NINJ2: variants seen among roughly 807,000 people sequenced by gnomAD.
NINJ2 encodes the protein ninjurin 2.
A neutral mutation model predicts 11.7 loss-of-function variants in NINJ2; 12 were observed. The ratio of observed to expected loss-of-function variants is 1.02; its 90% CI spans 0.66 to 1.66. NINJ2 has a LOEUF of 1.66. Among genes scored for constraint, NINJ2 ranks in the 40% most tolerant of loss-of-function variants. The pLI, the probability that NINJ2 is intolerant of heterozygous loss-of-function variation, is 0.00. For missense variants in NINJ2, 187 were observed against 181.8 expected, an observed-to-expected ratio of 1.03 and a Z score of -0.16; for synonymous variants, 93 against 76.8, an observed-to-expected ratio of 1.21 and a Z score of -1.10.
intron 1 of NINJ2, among the ~76,000 whole-genome samples, chr12:647,191 A>T (rs1161818157): frequency 6.6e-6 from 1 of 152,166 alleles, no homozygotes; most frequent in Admixed American, 6.5e-5. Context: ...CCCCGTGGGA[A>T]AGCCCACTCT....
intron 1 of NINJ2, among the ~76,000 whole-genome samples, chr12:661,852 T>C (rs1258359847): frequency 6.6e-6 from 1 of 152,222 alleles, no homozygotes; most frequent in Admixed American, 6.5e-5. Context: ...CCTCAACTCA[T>C]TCATTTAACA....
chr12:600,656 GTGTGTGT>G (rs1565630341), intron 1 of NINJ2, among the ~76,000 whole-genome samples: 245 of 16,922 alleles, frequency 0.014, 2 homozygotes, highest in African/African-American at 0.026. Flanking sequence ...TTTTTGGGGT[GTGTGTGT>G]GTGTGTGTGT....
At chr12:605,975 A>G (rs1197319429) in intron 1 of NINJ2, among the ~76,000 whole-genome samples, 1 of 152,200 alleles carries the variant, frequency 6.6e-6, no homozygotes. Context: ...GGAAAAGAAT[A>G]ACATCTGCAG....
intron 1 of NINJ2, among the ~76,000 whole-genome samples, chr12:569,703 C>G (rs1947351154): frequency 6.6e-6 from 1 of 152,218 alleles, no homozygotes; most frequent in Non-Finnish European, 1.5e-5. Context: ...TCTTCCCAAC[C>G]TCTATGGAAG....
rs548794581 is a variant in NINJ2, at chr12:596,388, A to G, written c.34-30210T>C. ...AGATGTTGCGTGATAATGATGTGTC[A>G]ACGCAGCTTCATTAGCTGCAACAAA... is the stretch of plus-strand genomic sequence containing the variant. On this transcript the variant is annotated intron_variant, in intron 1 of 3. Coordinates refer to ENST00000305108, the MANE Select transcript of NINJ2 (RefSeq NM_016533.6). Among the ~76,000 whole-genome samples the G allele has an allele frequency of 2.6e-5, 4 of 152,336 alleles. No homozygotes were observed. In the South Asian group the frequency reaches 8.3e-4, roughly 32 times the overall value.
rs142466743 is a variant in NINJ2, at chr12:638,759, T to C, written c.33+24569A>G. Among the ~76,000 whole-genome samples, 624 of 152,362 alleles carry C rather than the reference T, an allele frequency of 4.1e-3. 1 individual carries two copies. The highest frequency in any genetic ancestry group is 5.6e-3 in the Non-Finnish European group (382 of 68,038). ...AGTTTAATATTTTATACACAGGTTCTTGTACTGGTTTCCACTTATTTTATG... is the reference window on the plus strand; with the variant it reads ...AGTTTAATATTTTATACACAGGTTCCTGTACTGGTTTCCACTTATTTTATG... On this transcript the variant is annotated intron_variant, in intron 1 of 3. Transcript: ENST00000305108.
intron 1 of NINJ2, among the ~76,000 whole-genome samples, chr12:583,869 G>A (rs1159155150): frequency 6.6e-6 from 1 of 151,990 alleles, no homozygotes; most frequent in Non-Finnish European, 1.5e-5. Context: ...CTAAAAATGG[G>A]GATCGTAAGA....
intron 1 of NINJ2, among the ~76,000 whole-genome samples, chr12:659,205 G>C (rs1288425768): frequency 6.6e-6 from 1 of 151,834 alleles, no homozygotes; most frequent in Non-Finnish European, 1.5e-5. Flanking sequence ...CATTCTATCT[G>C]TATCTCGCTC....
intron 1 of NINJ2, among the ~76,000 whole-genome samples, chr12:611,631 C>T (rs1224784365): frequency 2.0e-5 from 3 of 152,216 alleles, no homozygotes; most frequent in African/African-American, 4.8e-5. Context: ...CCACTGTGCC[C>T]GGCTCCCAGG....
chr12:579,909 G>C (rs541235417), intron 1 of NINJ2, among the ~76,000 whole-genome samples: 4 of 152,254 alleles, frequency 2.6e-5, no homozygotes, highest in Admixed American at 2.6e-4. Flanking sequence ...TCACGTTTCG[G>C]TTTACATCCT....
intron 1 of NINJ2, among the ~76,000 whole-genome samples, chr12:653,486 G>A (rs1030266072): frequency 3.9e-5 from 6 of 152,040 alleles, no homozygotes; most frequent in African/African-American, 1.2e-4. Context: ...CAGGATGGAG[G>A]AATTAGGATT....
At chr12:601,819 T>C (rs1292979508) in intron 1 of NINJ2, among the ~76,000 whole-genome samples, 1 of 152,124 alleles carries the variant, frequency 6.6e-6, no homozygotes, top group Non-Finnish European at 1.5e-5. Context: ...TGAACCAAGA[T>C]CATGCCAAGG....
rs1482539880 is a variant in NINJ2 at position 628,860 on chromosome 12, C to T, written c.33+34468G>A. ...CCATGGCAGTTTACAAATGCCATGG[C>T]AACACCTGGAAATTATCCTATATGG... On this transcript the variant is annotated intron_variant, in intron 1 of 3. Coordinates refer to ENST00000305108, the MANE Select transcript of NINJ2 (RefSeq NM_016533.6). The surrounding 1 kb of genome is among the most constrained non-coding windows in gnomAD (Gnocchi z 4.4). Among the ~76,000 whole-genome samples, 3 of 152,196 alleles carry T rather than the reference C, an allele frequency of 2.0e-5. No homozygotes were observed. In the East Asian group the frequency reaches 5.8e-4, roughly 29 times the overall value.
chr12:587,429 G>T (rs187988019), intron 1 of NINJ2, among the ~76,000 whole-genome samples: 42 of 152,364 alleles, frequency 2.8e-4, no homozygotes, highest in Admixed American at 2.0e-3. Context: ...GTCTGCACAT[G>T]CACCATCTTA....
In NINJ2 at chr12:565,364, T is replaced by TTG. The variant is rs1947279429; in HGVS notation, c.299_300insCA (p.Leu101AsnfsTer62). On this transcript the variant is annotated frameshift_variant, in exon 3 of 4. Coordinates refer to ENST00000305108, the MANE Select transcript of NINJ2 (RefSeq NM_016533.6). LOFTEE classifies it high-confidence loss of function. The stretch of plus-strand genomic sequence containing the variant: ...TGGCTGCGTTGTTGAGCTGGTTGAG[T>TTG]CGCCACTGCTTTTCTACCTCATTCA... The TTG allele has an allele frequency of 3.1e-6, 5 of 1,613,888 alleles. No individual in the cohort carries two copies. In the African/African-American group the frequency reaches 6.7e-5, roughly 22 times the overall value.
intron 1 of NINJ2, among the ~76,000 whole-genome samples, chr12:627,724 A>C (rs543009934): frequency 2.2e-4 from 34 of 152,312 alleles, no homozygotes; most frequent in Admixed American, 7.2e-4. Flanking sequence ...CAGTGACAGG[A>C]GCCCATCAGC....
rs371835009 is a variant in NINJ2 at position 628,919 on chromosome 12, G to A, written c.33+34409C>T. ...AAGGAGGAGTCCTCAACTGGGGGAG[G>A]GGGAAAATCTCCATCTCCTTCCCAA... On this transcript the variant is annotated intron_variant, in intron 1 of 3. Coordinates refer to ENST00000305108, the MANE Select transcript of NINJ2 (RefSeq NM_016533.6). The surrounding 1 kb of genome is among the most constrained non-coding windows in gnomAD (Gnocchi z 4.4). Among the ~76,000 whole-genome samples, 1 of 152,092 alleles carries A rather than the reference G, an allele frequency of 6.6e-6. No individual in the cohort carries two copies. Among genetic ancestry groups the A allele is most frequent in the Non-Finnish European group, 1.5e-5 (1 of 68,030 alleles).
At position 658,246 on chromosome 12, in the gene NINJ2, C is replaced by T. The variant is rs184166797; in HGVS notation, c.33+5082G>A. Among the ~76,000 whole-genome samples the T allele has an allele frequency of 1.6e-3, 242 of 152,212 alleles. 2 individuals carry two copies. Among genetic ancestry groups the T allele is most frequent in the African/African-American group, 5.7e-3 (238 of 41,530 alleles). ...TCTCGAACTCCTAACCTCAAGTGATCCACTCACCTCGGCCTCCCAAAGTGC... is the reference window on the plus strand; with the variant it reads ...TCTCGAACTCCTAACCTCAAGTGATTCACTCACCTCGGCCTCCCAAAGTGC... On this transcript the variant is annotated intron_variant, in intron 1 of 3. Coordinates refer to ENST00000305108, the MANE Select transcript of NINJ2 (RefSeq NM_016533.6).
At chr12:637,465 C>T (rs1228223701) in intron 1 of NINJ2, among the ~76,000 whole-genome samples, 2 of 151,144 alleles carry the variant, frequency 1.3e-5, no homozygotes, top group Non-Finnish European at 2.9e-5. Flanking sequence ...CACGGTGAAA[C>T]CCCCGTCTCT....
Sources: allele counts gnomAD v4.1 joint callset (sites outside exome capture counted in the v4.1 genomes callset), GRCh38; gene constraint gnomAD v4.1.1; non-coding constraint Gnocchi (gnomAD v3.1); transcripts MANE v1.5; gene names NCBI Gene and HGNC (gene_info 2026-07-23, HGNC 2026-07-21).